The following AKAP4 variants were observed in gnomAD, a reference collection of about 807,000 sequenced individuals.
AKAP4 encodes the protein A-kinase anchor protein 4.
Under a neutral mutation model 42.6 loss-of-function variants are expected in AKAP4, and 4 were observed. The ratio of observed to expected loss-of-function variants is 0.09; its 90% CI spans 0.05 to 0.22. AKAP4 has a LOEUF of 0.22. AKAP4 is among the 10% of genes least tolerant of loss of function. The pLI is 1.00. For missense variants in AKAP4, 551 were observed against 630.7 expected, an observed-to-expected ratio of 0.87 and a Z score of 1.35; for synonymous variants, 223 against 233.0, an observed-to-expected ratio of 0.96 and a Z score of 0.39.
At chrX:50,196,021 T>G (rs1335921434) in intron 4 of AKAP4, among the ~76,000 whole-genome samples, 3 of 111,871 alleles carry the variant, frequency 2.7e-5, no homozygotes, top group African/African-American at 9.7e-5. Context: ...CAAGCAGATC[T>G]GCATTGTATG....
chrX:50,198,636 A>C (rs782641518), intron 2 of AKAP4, 21 bp downstream of exon 2: 12 of 1,178,088 alleles, frequency 1.0e-5, no homozygotes, highest in Non-Finnish European at 1.4e-5. Flanking sequence ...ACTCCTCGGC[A>C]TGAGTCATTT....
chrX:50,192,837 T>C lies in AKAP4; in HGVS notation c.1876A>G (p.Met626Val), dbSNP rs1935130759. The C allele has an allele frequency of 4.1e-6, 5 of 1,211,928 alleles. No individual in the cohort carries two copies. The East Asian group carries it at 1.5e-4, about 36-fold the overall frequency. ...NQHLDSQKMD[M>V]SNIVLMLIQK... ...ATCAGCATTAGAACGATGTTTGACA[T>C]ATCCATTTTCTGGGAGTCCAGGTGT... Residue 626 changes from methionine to valine, a missense_variant, in exon 5 of 6, where the codon ATG (methionine) becomes GTG (valine). Met to Val is a conservative substitution (Grantham distance 21, BLOSUM62 1). Transcript: ENST00000358526.
At chrX:50,197,433 C>T in intron 3 of AKAP4, 111 bp downstream of exon 3, 1 of 608,641 alleles carries the variant, frequency 1.6e-6, no homozygotes, top group Admixed American at 3.2e-5. Context: ...CCCCCTGAGT[C>T]CCCTCCTCCT....
intron 4 of AKAP4, among the ~76,000 whole-genome samples, chrX:50,196,072 A>AAAAT (rs1935188287): frequency 8.9e-6 from 1 of 112,146 alleles, no homozygotes; most frequent in African/African-American, 3.2e-5. Flanking sequence ...AATGCCAGGT[A>AAAAT]TAATTTATCC....
chrX:50,197,340 G>A (rs1935203937), intron 3 of AKAP4, among the ~76,000 whole-genome samples: 1 of 110,501 alleles, frequency 9.0e-6, no homozygotes. Flanking sequence ...AGCAACTTAA[G>A]TGGCTTCTAA....
chrX:50,200,592 C>T (rs781993240), intron 1 of AKAP4, among the ~76,000 whole-genome samples: 2 of 112,489 alleles, frequency 1.8e-5, no homozygotes, highest in Non-Finnish European at 3.8e-5. Context: ...TTTTCTCTGG[C>T]TCACAGTCCA....
chrX:50,192,330 C>G lies in AKAP4; in HGVS notation c.2383G>C (p.Gly795Arg), dbSNP rs187056054. 1.2e-5 allele frequency: 15 copies of G among 1,200,103 alleles called. No homozygotes were observed. The Admixed American group carries it at 3.4e-4, about 27-fold the overall frequency. Residue 795 changes from glycine (G) to arginine (R), a missense_variant, in exon 5 of 6, where the codon GGA becomes CGA. Transcript: ENST00000358526. Reference sequence around the variant, plus strand: ...TTTTCCAGTTGTCCATCCTTATCTCCCATGAAGTAGAGCATGGGCACGTTA... The same window carrying G: ...TTTTCCAGTTGTCCATCCTTATCTCGCATGAAGTAGAGCATGGGCACGTTA... ...QFNVPMLYFMGDKDGQLEKLP... is the reference protein window; with the variant it reads ...QFNVPMLYFMRDKDGQLEKLP...
intron 1 of AKAP4, among the ~76,000 whole-genome samples, chrX:50,199,634 G>A (rs1398989531): frequency 1.8e-5 from 2 of 110,887 alleles, no homozygotes; most frequent in African/African-American, 6.6e-5. Flanking sequence ...GAGCTCAGTA[G>A]ACTTGTTTTT....
chrX:50,197,013 ATTC>A, intron 3 of AKAP4, 21 bp from the exon 4 acceptor site: 3 of 1,088,110 alleles, frequency 2.8e-6, no homozygotes, highest in Non-Finnish European at 2.6e-6. Flanking sequence ...AAAGGGTGAG[ATTC>A]TTAAACAGTT....
Position 50,192,485 on chromosome X carries a change from T to C in AKAP4, c.2228A>G (p.His743Arg). 1 of 1,210,911 alleles carries C rather than the reference T, an allele frequency of 8.3e-7. No homozygotes were observed. The highest frequency in any genetic ancestry group is 1.1e-6 in the Non-Finnish European group (1 of 895,089). ...ATAGTTCTGTGGCATTGCACCACTG[T>C]GAATGCATCTGGTGCCCCTGAAATT... ...KPNFRGTRCI[H>R]SGAMPQNYQD... is the part of the protein sequence containing the mutation. The change falls in exon 5 of 6, where the codon CAC (histidine) becomes CGC (arginine). Residue 743 changes from histidine (H) to arginine (R), a missense_variant. Physicochemically the swap from His to Arg is conservative, Grantham distance 29 (BLOSUM62 0). Transcript: ENST00000358526.
rs1181118996 is a variant in AKAP4, at chrX:50,193,364, G to C, written c.1349C>G (p.Ser450Cys). The change falls in exon 5 of 6, where the codon TCT becomes TGT. Residue 450 changes from serine (S) to cysteine (C), a missense_variant. Ser to Cys is a moderately radical substitution (Grantham distance 112, BLOSUM62 -1). Coordinates refer to ENST00000358526, the MANE Select transcript of AKAP4 (RefSeq NM_003886.3). ...ETKSQSLSYASLKAGSHDPKC... is the reference protein window; with the variant it reads ...ETKSQSLSYACLKAGSHDPKC... ...GGGATCATGGGACCCAGCTTTTAAA[G>C]ATGCATATGACAGACTCTGAGACTT... 8 of 1,211,474 alleles carry C rather than the reference G, an allele frequency of 6.6e-6. No individual in the cohort carries two copies. Among genetic ancestry groups the C allele is most frequent in the Non-Finnish European group, 8.9e-6 (8 of 895,425 alleles).
chrX:50,198,412 C>T (rs782227290), intron 2 of AKAP4, among the ~76,000 whole-genome samples: 1 of 109,925 alleles, frequency 9.1e-6, no homozygotes, highest in South Asian at 4.0e-4. Flanking sequence ...AACCACCACT[C>T]CTCCCTCAGG....
At chrX:50,192,172 G>A (rs1935120747) in intron 5 of AKAP4, 132 bp downstream of exon 5, 3 of 601,367 alleles carry the variant, frequency 5.0e-6, no homozygotes, top group Non-Finnish European at 7.4e-6. Context: ...TTTTTATGAG[G>A]TGAAAGTAAT....
Position 50,192,913 on chromosome X carries a change from T to G in AKAP4, c.1800A>C (p.Gln600His). The change falls in exon 5 of 6, where the codon CAA (glutamine) becomes CAC (histidine). Residue 600 changes from glutamine (Q) to histidine (H), a missense_variant. By Grantham distance (24) the Gln-to-His change is conservative. Transcript: ENST00000358526. ...GQSAKALSVK[Q>H]LESHRAPGPS... ...GTCCAGGGGCTCTGTGAGATTCTAG[T>G]TGTTTCACTGAAAGTGCTTTGGCAC... The G allele has an allele frequency of 8.3e-7, 1 of 1,212,012 alleles. No individual in the cohort carries two copies. Among genetic ancestry groups the G allele is most frequent in the Non-Finnish European group, 1.1e-6 (1 of 895,540 alleles).
rs1428867980 is a variant in AKAP4 at position 50,198,807 on chromosome X, G to A, written c.28-55C>T. On this transcript the variant is annotated intron_variant, in intron 1 of 5. Transcript: ENST00000358526. ...TGCTTATATATGGTTTTTGGAAACC[G>A]GGTCAATTTGGATAAGAATCTCTGG... The A allele has an allele frequency of 2.6e-4, 243 of 928,617 alleles. 1 individual carries two copies. The highest frequency in any genetic ancestry group is 5.4e-5 in the Non-Finnish European group (36 of 661,807). The allele number at this position is 928,617 out of a possible 1,213,427, so 76.5% of individuals were successfully genotyped here.
intron 5 of AKAP4, 37 bp from the exon 6 acceptor site, chrX:50,191,152 G>C: frequency 8.4e-7 from 1 of 1,194,153 alleles, no homozygotes; most frequent in Non-Finnish European, 1.1e-6. Flanking sequence ...GTTGCGTGAT[G>C]CTTTTTGGAG....
intron 3 of AKAP4, among the ~76,000 whole-genome samples, chrX:50,197,297 T>C (rs782420723): frequency 9.0e-6 from 1 of 110,747 alleles, no homozygotes; most frequent in African/African-American, 3.3e-5. Flanking sequence ...TCTGACATGC[T>C]ATCTTCCATG....
chrX:50,195,971 T>C (rs1557204318), intron 4 of AKAP4, among the ~76,000 whole-genome samples: 1 of 111,288 alleles, frequency 9.0e-6, no homozygotes, highest in Non-Finnish European at 1.9e-5. Flanking sequence ...TGTGAGGTCA[T>C]GATAAAGTCA....
chrX:50,200,388 C>T, intron 1 of AKAP4: 1 of 755,111 alleles, frequency 1.3e-6, no homozygotes, highest in Non-Finnish European at 1.6e-6. Context: ...GCCAGGCTTT[C>T]CCCTGCTGCC....
Sources: gnomAD v4.1 joint callset for allele counts (sites outside exome capture counted in the v4.1 genomes callset) on GRCh38, gnomAD v4.1.1 for gene constraint, MANE v1.5 for transcripts, NCBI Gene and HGNC (gene_info 2026-07-23, HGNC 2026-07-21) for gene names.